The following OSBPL3 variants were observed in gnomAD, a reference collection of about 807,000 sequenced individuals.
OSBPL3 encodes oxysterol binding protein like 3, also known as oxysterol-binding protein-related protein 3.
A neutral mutation model predicts 120.1 loss-of-function variants in OSBPL3; 65 were observed. The ratio of observed to expected loss-of-function variants is 0.54; its 90% confidence interval spans 0.44 to 0.67. The LOEUF is 0.67. OSBPL3 is among the 30% of genes least tolerant of loss of function. The pLI, the probability that OSBPL3 is intolerant of heterozygous loss-of-function variation, is 0.00. For synonymous variants in OSBPL3, 416 were observed against 402.6 expected, an observed-to-expected ratio of 1.03 and a Z score of -0.40; for missense variants, 1,004 against 1,082.1, an observed-to-expected ratio of 0.93 and a Z score of 1.01.
intron 12 of OSBPL3, among the ~76,000 whole-genome samples, chr7:24,843,078 G>A (rs1427920118): frequency 6.6e-6 from 1 of 151,972 alleles, no homozygotes; most frequent in African/African-American, 2.4e-5. Context: ...TTCTTATCTC[G>A]CATGACCCTC....
At chr7:24,981,158 T>C (rs1483222237), upstream of OSBPL3, among the ~76,000 whole-genome samples, 1 of 152,026 alleles carries the variant, frequency 6.6e-6, no homozygotes, top group Non-Finnish European at 1.5e-5. The surrounding 1 kb of genome is among the most constrained non-coding windows in gnomAD (Gnocchi z 7.3). Flanking sequence ...AATACATATC[T>C]ATGCAAAAAA....
intron 1 of OSBPL3, among the ~76,000 whole-genome samples, chr7:24,920,381 A>AT (rs1157154654): frequency 1.3e-5 from 2 of 152,202 alleles, no homozygotes; most frequent in African/African-American, 2.4e-5. Context: ...AGGAGGACAG[A>AT]TTTTTTAAAG....
chr7:24,949,106 TTAG>T (rs2128494322), intron 1 of OSBPL3, among the ~76,000 whole-genome samples: 1 of 152,326 alleles, frequency 6.6e-6, no homozygotes, highest in Non-Finnish European at 1.5e-5. Context: ...AGAATTCATA[TTAG>T]TAGTTGAGCG....
intron 1 of OSBPL3, among the ~76,000 whole-genome samples, chr7:24,920,276 G>C (rs1308672801): frequency 6.6e-6 from 1 of 152,040 alleles, no homozygotes; most frequent in Non-Finnish European, 1.5e-5. Flanking sequence ...ATAAAAAGTA[G>C]AATATCCACA....
At chr7:24,856,765 T>A (rs902473903) in intron 10 of OSBPL3, among the ~76,000 whole-genome samples, 1 of 152,216 alleles carries the variant, frequency 6.6e-6, no homozygotes, top group Non-Finnish European at 1.5e-5. Flanking sequence ...TTCCCCCTTT[T>A]TAATTGGAAA....
chr7:24,878,297 A>C (rs1803127172), intron 2 of OSBPL3, among the ~76,000 whole-genome samples: 1 of 152,212 alleles, frequency 6.6e-6, no homozygotes, highest in South Asian at 2.1e-4. Context: ...CTTGCAGCTC[A>C]AGAGTGTTGG....
chr7:24,814,642 C>T (rs184037834), intron 19 of OSBPL3, among the ~76,000 whole-genome samples: 54 of 152,226 alleles, frequency 3.5e-4, no homozygotes, highest in Non-Finnish European at 4.0e-4. Context: ...ACTAATTCCC[C>T]CTTCCTCCCT....
rs116195715 is a variant in OSBPL3 at position 24,881,463 on chromosome 7, G to A, written c.97-9394C>T. 5.7e-3 allele frequency among the ~76,000 whole-genome samples: 875 copies of A among 152,284 alleles called. 13 individuals carry two copies. Among genetic ancestry groups the A allele is most frequent in the African/African-American group, 0.02 (833 of 41,568 alleles). ...TATCAGGAACTAGAGATACAAAGAT[G>A]TAAAATCAAGTGCTGGATCTCAAAA... On this transcript the variant is annotated intron_variant, in intron 2 of 22. Coordinates refer to ENST00000313367, the MANE Select transcript of OSBPL3 (RefSeq NM_015550.4). This position sits in a 1 kb window ranked among gnomAD's most constrained non-coding sequence, Gnocchi z 4.3.
At chr7:24,843,528 G>C (rs977420035) in intron 12 of OSBPL3, among the ~76,000 whole-genome samples, 11 of 152,312 alleles carry the variant, frequency 7.2e-5, no homozygotes, top group African/African-American at 2.6e-4. Flanking sequence ...CTCATAGGGA[G>C]GGGATGCTAT....
In OSBPL3 at chr7:24,824,955, T is replaced by C. The variant is rs1314341546; in HGVS notation, c.1885-4717A>G. Reference sequence around the variant, plus strand: ...GCCAATGGCTGGAAAATGCTTGGTATGAAGCAGAAGAAGCAAGGCCAGTCT... The same window carrying C: ...GCCAATGGCTGGAAAATGCTTGGTACGAAGCAGAAGAAGCAAGGCCAGTCT... On this transcript the variant is annotated intron_variant, in intron 16 of 22. Transcript: ENST00000313367. The surrounding 1 kb of genome is among the most constrained non-coding windows in gnomAD (Gnocchi z 4.9). Among the ~76,000 whole-genome samples the C allele has an allele frequency of 1.3e-5, 2 of 152,156 alleles. No homozygotes were observed. The highest frequency in any genetic ancestry group is 2.9e-5 in the Non-Finnish European group (2 of 68,020).
Position 24,834,678 on chromosome 7 carries a change from C to T in OSBPL3, c.1554G>A (p.Ala518=). The change falls in exon 15 of 23, where the codon GCG becomes GCA. Residue 518 remains alanine (A), a synonymous_variant. Transcript: ENST00000313367. The surrounding 1 kb of genome is among the most constrained non-coding windows in gnomAD (Gnocchi z 5.2). ...TGATGTTACTGCTGCTCGGGCAGGG[C>T]GCCGGCAGGCACGTTCTTCTCCGGG... ...AKSRRRTCLP[A]PCPSSSNISL... is the part of the protein sequence containing the mutation. 6.2e-7 allele frequency: 1 copy of T among 1,613,986 alleles called. No homozygotes were observed. The highest frequency in any genetic ancestry group is 2.2e-5 in the East Asian group (1 of 44,890).
In OSBPL3 at chr7:24,806,722, T is replaced by C; in HGVS notation, c.2444+54A>G. ...GTGGCCTAAGGATTGTTAATAAGAC[T>C]TTTTGTAAAGGGTTTTACATCTCTG... is the stretch of plus-strand genomic sequence containing the variant. On this transcript the variant is annotated intron_variant, in intron 21 of 22. Coordinates refer to ENST00000313367, the MANE Select transcript of OSBPL3 (RefSeq NM_015550.4). This position sits in a 1 kb window ranked among gnomAD's most constrained non-coding sequence, Gnocchi z 5.2. 1 of 1,567,092 alleles carries C rather than the reference T, an allele frequency of 6.4e-7. No homozygotes were observed. The highest frequency in any genetic ancestry group is 8.7e-7 in the Non-Finnish European group (1 of 1,151,604).
chr7:24,829,160 C>A (rs1394338266), intron 16 of OSBPL3, among the ~76,000 whole-genome samples: 1 of 152,134 alleles, frequency 6.6e-6, no homozygotes, highest in African/African-American at 2.4e-5. Flanking sequence ...TAGTTTGAGG[C>A]TATTTTTGGC....
rs1243299638 is a variant in OSBPL3 at position 24,854,542 on chromosome 7, A to G, written c.1028-1908T>C. On this transcript the variant is annotated intron_variant, in intron 10 of 22. Transcript: ENST00000313367. The surrounding 1 kb of genome is among the most constrained non-coding windows in gnomAD (Gnocchi z 4.1). ...CACACACACACACACACACACAAAC[A>G]CACACAATGGTGCTGCCTCTGCCAA... is the stretch of plus-strand genomic sequence containing the variant. 6.6e-6 allele frequency among the ~76,000 whole-genome samples: 1 copy of G among 151,054 alleles called. No homozygotes were observed.
chr7:24,870,365 C>T (rs1801930416), intron 5 of OSBPL3, among the ~76,000 whole-genome samples: 2 of 152,160 alleles, frequency 1.3e-5, no homozygotes, highest in African/African-American at 2.4e-5. Context: ...GCTCCATGGC[C>T]TAAATGTTAC....
In OSBPL3 at chr7:24,979,915, T is replaced by G; in HGVS notation, c.-179A>C. On this transcript the variant is annotated 5_prime_UTR_variant, in exon 1 of 23. Coordinates refer to ENST00000313367, the MANE Select transcript of OSBPL3 (RefSeq NM_015550.4). The stretch of plus-strand genomic sequence containing the variant: ...GCGCTGTGCAGCCGGAGACGCTCCC[T>G]AGTTCCCCGGGGCCGGGCTCCGGGG... 1 of 969,370 alleles carries G rather than the reference T, an allele frequency of 1.0e-6. No homozygotes were observed. The highest frequency in any genetic ancestry group is 1.2e-6 in the Non-Finnish European group (1 of 822,372). 60.0% of individuals were successfully genotyped at this position (969,370 alleles called of 1,614,324 possible). A position where few individuals can be genotyped will look rare whatever the true frequency, so the allele number is the denominator to read the frequency against.
intron 1 of OSBPL3, among the ~76,000 whole-genome samples, chr7:24,928,254 C>T (rs975579382): frequency 3.3e-5 from 5 of 149,652 alleles, no homozygotes; most frequent in African/African-American, 9.9e-5. Flanking sequence ...TGCAGCAGCA[C>T]GATCTCAGCT....
chr7:24,803,012 T>C lies in OSBPL3; in HGVS notation c.2567+1303A>G, dbSNP rs140466492. On this transcript the variant is annotated intron_variant, in intron 22 of 22. Coordinates refer to ENST00000313367, the MANE Select transcript of OSBPL3 (RefSeq NM_015550.4). The surrounding 1 kb of genome is among the most constrained non-coding windows in gnomAD (Gnocchi z 4.2). ...AATTTGTGGAAATGATCAGAAGGGA[T>C]CTAGTAGAATCTACATCAACTTTAG... Among the ~76,000 whole-genome samples the C allele has an allele frequency of 4.5e-4, 68 of 152,320 alleles. 1 individual carries two copies. The East Asian group carries it at 0.013, about 29-fold the overall frequency.
rs1436603020 is a variant in OSBPL3 at position 24,896,045 on chromosome 7, C to G, written c.-149-3424G>C. 6.6e-6 allele frequency among the ~76,000 whole-genome samples: 1 copy of G among 152,198 alleles called. No individual in the cohort carries two copies. Among genetic ancestry groups the G allele is most frequent in the African/African-American group, 2.4e-5 (1 of 41,444 alleles). On this transcript the variant is annotated intron_variant, in intron 1 of 22. Coordinates refer to ENST00000313367, the MANE Select transcript of OSBPL3 (RefSeq NM_015550.4). The surrounding 1 kb of genome is among the most constrained non-coding windows in gnomAD (Gnocchi z 4.4). Reference sequence around the variant, plus strand: ...CCTGAGTAAATCTCTCCTGCAAGTACTTGTCAACATGCCTTAAGGATGGAG... The same window carrying G: ...CCTGAGTAAATCTCTCCTGCAAGTAGTTGTCAACATGCCTTAAGGATGGAG...
Sources: gnomAD v4.1 joint callset for allele counts (sites outside exome capture counted in the v4.1 genomes callset) on GRCh38, gnomAD v4.1.1 for gene constraint, Gnocchi (gnomAD v3.1) non-coding constraint, MANE v1.5 for transcripts, NCBI Gene and HGNC (gene_info 2026-07-23, HGNC 2026-07-21) for gene names.